The following ST8SIA1 variants were observed in gnomAD, a reference collection of about 807,000 sequenced individuals.
ST8SIA1 encodes the protein alpha-N-acetylneuraminide alpha-2,8-sialyltransferase.
In ST8SIA1, 16 loss-of-function variants were observed where a neutral mutation model predicts 35.9. That is an observed-to-expected ratio of 0.45 (90% CI 0.30 to 0.68). The LOEUF is 0.68. Ranked by LOEUF, ST8SIA1 falls within the 30% of genes least tolerant of loss-of-function variation. The pLI, the probability that ST8SIA1 is intolerant of heterozygous loss-of-function variation, is 0.09. For missense variants in ST8SIA1, 383 were observed against 453.6 expected (o/e 0.84, Z 1.41); for synonymous variants, 170 against 169.6 (o/e 1.00, Z -0.02).
intron 4 of ST8SIA1, among the ~76,000 whole-genome samples, chr12:22,241,063 ACCC>A (rs1214098940): frequency 4.9e-4 from 74 of 149,978 alleles, no homozygotes; most frequent in African/African-American, 1.8e-3. Context: ...CCTAACCCTA[ACCC>A]TAACCCTAAC....
At chr12:22,289,912 G>A (rs1341959143) in intron 1 of ST8SIA1, among the ~76,000 whole-genome samples, 1 of 152,168 alleles carries the variant, frequency 6.6e-6, no homozygotes, top group Non-Finnish European at 1.5e-5. Context: ...TGAAACTGAC[G>A]CTGAGACCCA....
intron 1 of ST8SIA1, among the ~76,000 whole-genome samples, chr12:22,317,262 G>A (rs1243069622): frequency 6.6e-6 from 1 of 152,180 alleles, no homozygotes; most frequent in African/African-American, 2.4e-5. Context: ...AGAGGATATT[G>A]TTAAAAACAA....
In ST8SIA1 at chr12:22,320,596, G is replaced by A. The variant is rs971382099; in HGVS notation, c.236+13401C>T. Among the ~76,000 whole-genome samples, 35 of 152,152 alleles carry A rather than the reference G, an allele frequency of 2.3e-4. 1 individual carries two copies. The highest frequency in any genetic ancestry group is 4.8e-5 in the African/African-American group (2 of 41,422). On this transcript the variant is annotated intron_variant, in intron 1 of 4. Coordinates refer to ENST00000396037, the MANE Select transcript of ST8SIA1 (RefSeq NM_003034.4). ...GCGGTGGCTTACACCTGTAATCCCA[G>A]CACTTTGTGAGGCCGAGGCGGGAGG...
At position 22,197,859 on chromosome 12, in the gene ST8SIA1, A is replaced by G. The variant is rs1173274895; in HGVS notation, c.*3693T>C. The G allele has an allele frequency of 6.6e-6, 1 of 152,206 alleles. No individual in the cohort carries two copies. The highest frequency in any genetic ancestry group is 1.5e-5 in the Non-Finnish European group (1 of 68,034). The allele number at this position is 152,206 out of a possible 1,614,324, so 9.4% of individuals were successfully genotyped here. ...CCCTTGTGAAGACAGATAAAAGTGAACTATACAGAAGCAAAATCCAGTGAG... is the reference window on the plus strand; with the variant it reads ...CCCTTGTGAAGACAGATAAAAGTGAGCTATACAGAAGCAAAATCCAGTGAG... On this transcript the variant is annotated 3_prime_UTR_variant, in exon 5 of 5. Transcript: ENST00000396037.
At chr12:22,326,868 C>T (rs1215561887) in intron 1 of ST8SIA1, among the ~76,000 whole-genome samples, 1 of 152,160 alleles carries the variant, frequency 6.6e-6, no homozygotes, top group Admixed American at 6.5e-5. Context: ...AGAAATCTAT[C>T]AAATCCATCA....
chr12:22,312,923 C>T (rs1051941615), intron 1 of ST8SIA1, among the ~76,000 whole-genome samples: 1 of 152,036 alleles, frequency 6.6e-6, no homozygotes, highest in African/African-American at 2.4e-5. Flanking sequence ...TGGTCTAACC[C>T]TTTGGTATAC....
At chr12:22,303,155 T>G (rs1188633555) in intron 1 of ST8SIA1, among the ~76,000 whole-genome samples, 1 of 152,174 alleles carries the variant, frequency 6.6e-6, no homozygotes, top group Non-Finnish European at 1.5e-5. Flanking sequence ...TGGAGGTGCC[T>G]CTGACCTTTG....
intron 2 of ST8SIA1, 78 bp from the exon 3 acceptor site, chr12:22,255,467 C>T (rs1377925480): frequency 4.0e-6 from 5 of 1,249,494 alleles, no homozygotes; most frequent in Non-Finnish European, 5.9e-6. Context: ...ACAGCAGACC[C>T]TTTGGAGGAA....
intron 2 of ST8SIA1, among the ~76,000 whole-genome samples, chr12:22,269,162 G>A (rs1437810917): frequency 6.6e-6 from 1 of 152,044 alleles, no homozygotes; most frequent in African/African-American, 2.4e-5. Flanking sequence ...AAAAGACACA[G>A]TAGGAAAATA....
rs1308198350 is a variant in ST8SIA1, at chr12:22,198,661, T to C, written c.*2891A>G. Reference sequence around the variant, plus strand: ...AGAAAATATTTTCATTAAATTGTAGTCATATTTTGAATGCTGTGAGCATGT... The same window carrying C: ...AGAAAATATTTTCATTAAATTGTAGCCATATTTTGAATGCTGTGAGCATGT... On this transcript the variant is annotated 3_prime_UTR_variant, in exon 5 of 5. Transcript: ENST00000396037. 1.3e-5 allele frequency: 2 copies of C among 151,956 alleles called. No homozygotes were observed. The highest frequency in any genetic ancestry group is 4.8e-5 in the African/African-American group (2 of 41,368). The allele number at this position is 151,956 out of a possible 1,614,324, so 9.4% of individuals were successfully genotyped here. A position where few individuals can be genotyped will look rare whatever the true frequency, so the allele number is the denominator to read the frequency against.
At chr12:22,330,442 C>T (rs1250576259) in intron 1 of ST8SIA1, among the ~76,000 whole-genome samples, 1 of 152,176 alleles carries the variant, frequency 6.6e-6, no homozygotes, top group African/African-American at 2.4e-5. Flanking sequence ...ATTGGACTTA[C>T]CAATGATTGC....
At chr12:22,237,321 C>A (rs945023299) in intron 4 of ST8SIA1, among the ~76,000 whole-genome samples, 1 of 151,850 alleles carries the variant, frequency 6.6e-6, no homozygotes, top group Non-Finnish European at 1.5e-5. Flanking sequence ...GGTCTCAAAC[C>A]CCTGGCCTCA....
chr12:22,233,056 T>G (rs896476141), intron 4 of ST8SIA1, among the ~76,000 whole-genome samples: 2 of 152,022 alleles, frequency 1.3e-5, no homozygotes, highest in Non-Finnish European at 2.9e-5. Context: ...GGACATAACC[T>G]TGCAGATTGA....
intron 1 of ST8SIA1, among the ~76,000 whole-genome samples, chr12:22,302,046 C>A (rs901207912): frequency 6.6e-6 from 1 of 152,106 alleles, no homozygotes; most frequent in Non-Finnish European, 1.5e-5. Context: ...TCAGTCCTAC[C>A]ATGATTTGTC....
chr12:22,307,405 G>A (rs998886909), intron 1 of ST8SIA1, among the ~76,000 whole-genome samples: 1 of 152,038 alleles, frequency 6.6e-6, no homozygotes, highest in African/African-American at 2.4e-5. Context: ...CTGCCAGCCG[G>A]GTGATAAGAT....
At chr12:22,218,000 A>G (rs907094270) in intron 4 of ST8SIA1, among the ~76,000 whole-genome samples, 2 of 152,208 alleles carry the variant, frequency 1.3e-5, no homozygotes, top group Non-Finnish European at 2.9e-5. Flanking sequence ...TAAACATGTG[A>G]CTGACATTCC....
At chr12:22,303,883 C>CAAAA (rs929618200) in intron 1 of ST8SIA1, among the ~76,000 whole-genome samples, 4 of 149,310 alleles carry the variant, frequency 2.7e-5, no homozygotes, top group African/African-American at 1.0e-4. Context: ...CACACACACA[C>CAAAA]ACACAAAAGT....
intron 2 of ST8SIA1, among the ~76,000 whole-genome samples, chr12:22,275,403 A>C (rs1865957375): frequency 6.6e-6 from 1 of 152,110 alleles, no homozygotes. Context: ...AGAAATACAA[A>C]AATTAGCCAG....
At chr12:22,293,003 A>G (rs1463393472) in intron 1 of ST8SIA1, among the ~76,000 whole-genome samples, 1 of 152,242 alleles carries the variant, frequency 6.6e-6, no homozygotes, top group Non-Finnish European at 1.5e-5. Flanking sequence ...TTGCTTCCAC[A>G]ATCAAAATTC....
Sources: allele counts gnomAD v4.1 joint callset (sites outside exome capture counted in the v4.1 genomes callset), GRCh38; gene constraint gnomAD v4.1.1; transcripts MANE v1.5; gene names NCBI Gene and HGNC (gene_info 2026-07-23, HGNC 2026-07-21).